The following KDM4A variants were observed in gnomAD, a reference collection of about 807,000 sequenced individuals.
KDM4A encodes lysine demethylase 4A, also known as lysine-specific demethylase 4A.
In KDM4A, 23 loss-of-function variants were observed where a neutral mutation model predicts 127.1. The observed-to-expected ratio is 0.18, with a 90% CI of 0.13 to 0.26. KDM4A has a LOEUF of 0.26. Ranked by LOEUF, KDM4A falls within the 10% of genes least tolerant of loss-of-function variation. The pLI, the probability that KDM4A is intolerant of heterozygous loss-of-function variation, is 1.00. For missense variants in KDM4A, 890 were observed against 1,329.1 expected, an observed-to-expected ratio of 0.67 and a Z score of 5.14; for synonymous variants, 443 against 466.5, an observed-to-expected ratio of 0.95 and a Z score of 0.65.
At chr1:43,697,692 C>G in intron 18 of KDM4A, 151 bp from the exon 19 acceptor site, 1 of 690,652 alleles carries the variant, frequency 1.4e-6, no homozygotes, top group Non-Finnish European at 2.4e-6. Context: ...TCTGGAAAGG[C>G]TTGTTTTAGC....
chr1:43,666,727 C>G (rs1366209305), intron 7 of KDM4A, among the ~76,000 whole-genome samples, 172 bp downstream of exon 7: 1 of 152,104 alleles, frequency 6.6e-6, no homozygotes, highest in Non-Finnish European at 1.5e-5. Flanking sequence ...CTTCCTGGTG[C>G]CAGAGGAGAG....
rs1273781898 is a variant in KDM4A at position 43,685,455 on chromosome 1, G to T, written c.1855+1651G>T. 3.4e-5 allele frequency among the ~76,000 whole-genome samples: 5 copies of T among 146,446 alleles called. 1 individual carries two copies. Among genetic ancestry groups the T allele is most frequent in the African/African-American group, 1.2e-4 (5 of 40,056 alleles). On this transcript the variant is annotated intron_variant, in intron 12 of 21. Coordinates refer to ENST00000372396, the MANE Select transcript of KDM4A (RefSeq NM_014663.3). The stretch of plus-strand genomic sequence containing the variant: ...CTGATGTCAGTGCCCCATCTCTGCT[G>T]TTTTTTTTTTTCAGTAGAAAGATCA...
chr1:43,661,267 G>A (rs1373235060), intron 4 of KDM4A, among the ~76,000 whole-genome samples: 4 of 151,726 alleles, frequency 2.6e-5, no homozygotes, highest in Non-Finnish European at 5.9e-5. Flanking sequence ...GAGCCACTGC[G>A]CTTGGCCCAT....
At position 43,694,051 on chromosome 1, in the gene KDM4A, A is replaced by C; in HGVS notation, c.2433A>C (p.Ala811=). The change falls in exon 17 of 22, where the codon GCA becomes GCC. Residue 811 remains alanine (A), a synonymous_variant. Coordinates refer to ENST00000372396, the MANE Select transcript of KDM4A (RefSeq NM_014663.3). This position sits in a 1 kb window ranked among gnomAD's most constrained non-coding sequence, Gnocchi z 5.2. ...TGGAAGCAAGGTTTGTCAACATTGC[A>C]GAAAGAAGTCCGGTGGATGTGAGCA... The part of the protein sequence containing the change: ...AILEARFVNI[A]ERSPVDVSKI... 6.2e-7 allele frequency: 1 copy of C among 1,614,280 alleles called. No individual in the cohort carries two copies.
chr1:43,689,065 T>C lies in KDM4A; in HGVS notation c.2007T>C (p.Ala669=). ...ETMAQQAPHC[A]VCMIFQTYHQ... is the part of the protein sequence containing the mutation. ...TGGCCCAACAGGCCCCTCACTGCGCTGTCTGTATGATCTTCCAGACTTATC... is the reference window on the plus strand; with the variant it reads ...TGGCCCAACAGGCCCCTCACTGCGCCGTCTGTATGATCTTCCAGACTTATC... The change falls in exon 13 of 22, where the codon GCT becomes GCC. Residue 669 remains alanine (A), a synonymous_variant. Transcript: ENST00000372396. 2 of 1,614,254 alleles carry C rather than the reference T, an allele frequency of 1.2e-6. No individual in the cohort carries two copies. The highest frequency in any genetic ancestry group is 1.7e-6 in the Non-Finnish European group (2 of 1,180,042).
chr1:43,659,908 C>T (rs1361797167), intron 3 of KDM4A, among the ~76,000 whole-genome samples: 2 of 152,140 alleles, frequency 1.3e-5, no homozygotes, highest in East Asian at 3.9e-4. Context: ...AGCCTTAGCT[C>T]TTCACATGCT....
At chr1:43,661,581 C>G (rs1660378433) in intron 4 of KDM4A, among the ~76,000 whole-genome samples, 1 of 131,926 alleles carries the variant, frequency 7.6e-6, no homozygotes, top group East Asian at 2.3e-4. Flanking sequence ...TGCACTCCAG[C>G]CTGGGTGACA....
intron 11 of KDM4A, among the ~76,000 whole-genome samples, chr1:43,674,938 T>C (rs933045770): frequency 6.6e-6 from 1 of 152,080 alleles, no homozygotes; most frequent in African/African-American, 2.4e-5. Flanking sequence ...CCTAGTGAAG[T>C]GAAGCACAGC....
chr1:43,653,363 T>TA, intron 2 of KDM4A, 50 bp downstream of exon 2: 1 of 1,510,800 alleles, frequency 6.6e-7, no homozygotes, highest in Non-Finnish European at 8.9e-7. Flanking sequence ...GGCAGAGCAG[T>TA]AAGATTTTTT....
chr1:43,704,154 A>C, intron 21 of KDM4A, 42 bp downstream of exon 21: 1 of 1,612,656 alleles, frequency 6.2e-7, no homozygotes. Flanking sequence ...TCTTGGAGGG[A>C]GGGAACAAGT....
At chr1:43,665,908 G>A (rs948451348) in intron 6 of KDM4A, among the ~76,000 whole-genome samples, 163 bp downstream of exon 6, 4 of 152,180 alleles carry the variant, frequency 2.6e-5, no homozygotes, top group Non-Finnish European at 5.9e-5. Flanking sequence ...CAGTGACGGA[G>A]CCTTTTCTTC....
rs1441351291 is a variant in KDM4A, at chr1:43,694,638, G to C, written c.2485-71G>C. On this transcript the variant is annotated intron_variant, in intron 17 of 21. Transcript: ENST00000372396. The surrounding 1 kb of genome is among the most constrained non-coding windows in gnomAD (Gnocchi z 5.2). ...CTCTTGCTTGCTTGGCTTTGCATTT[G>C]GGAGGGGAACAACAGAGGAAGCTGC... 1.1e-5 allele frequency: 15 copies of C among 1,375,304 alleles called. No individual in the cohort carries two copies. Among genetic ancestry groups the C allele is most frequent in the Non-Finnish European group, 1.4e-5 (14 of 988,892 alleles). The allele number at this position is 1,375,304 out of a possible 1,614,324, so 85.2% of individuals were successfully genotyped here. A position where few individuals can be genotyped will look rare whatever the true frequency, so the allele number is the denominator to read the frequency against.
intron 4 of KDM4A, 93 bp downstream of exon 4, chr1:43,660,505 TTGG>T (rs1660348184): frequency 6.7e-7 from 1 of 1,493,812 alleles, no homozygotes. Context: ...TAAAAGCTGT[TTGG>T]TGAATGGGTG....
intron 3 of KDM4A, 26 bp from the exon 4 acceptor site, chr1:43,660,272 A>C (rs557267603): frequency 6.3e-7 from 1 of 1,593,644 alleles, no homozygotes; most frequent in African/African-American, 1.6e-5. Flanking sequence ...TAAGTGGTTT[A>C]CATGTTTCTT....
At chr1:43,663,199 C>A in intron 5 of KDM4A, 112 bp downstream of exon 5, 2 of 889,202 alleles carry the variant, frequency 2.2e-6, no homozygotes, top group Non-Finnish European at 3.4e-6. Context: ...CTGGTTCAGG[C>A]TTGGGGTGAC....
At chr1:43,698,054 G>A in intron 19 of KDM4A, 41 bp downstream of exon 19, 2 of 1,595,068 alleles carry the variant, frequency 1.3e-6, no homozygotes, top group South Asian at 2.2e-5. Context: ...TTGGAATGGG[G>A]GGATGTTTCT....
At chr1:43,672,500 TC>T (rs1660644698) in intron 11 of KDM4A, among the ~76,000 whole-genome samples, 1 of 150,004 alleles carries the variant, frequency 6.7e-6, no homozygotes, top group Non-Finnish European at 1.5e-5. Flanking sequence ...TGTTTTTTTT[TC>T]TTTTTTTTTT....
Position 43,671,760 on chromosome 1 carries a change from G to A in KDM4A, c.1619G>A (p.Gly540Glu), listed in dbSNP as rs777311423. 1 of 1,614,032 alleles carries A rather than the reference G, an allele frequency of 6.2e-7. No individual in the cohort carries two copies. The highest frequency in any genetic ancestry group is 8.5e-7 in the Non-Finnish European group (1 of 1,179,932). The stretch of plus-strand genomic sequence containing the variant: ...TCCTGCCGAGCCCAAGGGCAAACGG[G>A]AGTTCTCACTGTGCACAGTTATGCC... ...PLSCRAQGQTGVLTVHSYAKG... is the reference protein window; with the variant it reads ...PLSCRAQGQTEVLTVHSYAKG... Residue 540 changes from glycine (G) to glutamate (E), a missense_variant, in exon 11 of 22, where the codon GGA becomes GAA. Around this residue, in one of 7 missense-constraint regions of KDM4A, gnomAD observed 389 missense variants for 485.9 expected, o/e 0.80. Transcript: ENST00000372396.
At position 43,694,936 on chromosome 1, in the gene KDM4A, A is replaced by C. The variant is rs950279523; in HGVS notation, c.2670+42A>C. 2 of 1,540,534 alleles carry C rather than the reference A, an allele frequency of 1.3e-6. No individual in the cohort carries two copies. The highest frequency in any genetic ancestry group is 1.9e-5 in the Admixed American group (1 of 53,156). ...TTCTAGAATCCTCTTGACAGTTTTC[A>C]TGGTCATTTTCTCTGCATGTTTTCC... On this transcript the variant is annotated intron_variant, in intron 18 of 21. Transcript: ENST00000372396. The surrounding 1 kb of genome is among the most constrained non-coding windows in gnomAD (Gnocchi z 5.2).
Sources: gnomAD v4.1 joint callset for allele counts (sites outside exome capture counted in the v4.1 genomes callset) on GRCh38, gnomAD v4.1.1 for gene constraint, gnomAD v4.1.1 regional missense constraint, Gnocchi (gnomAD v3.1) non-coding constraint, MANE v1.5 for transcripts, NCBI Gene and HGNC (gene_info 2026-07-23, HGNC 2026-07-21) for gene names.